Variants in PRKAG2 observed in about 807,000 individuals in gnomAD.
PRKAG2 encodes 5'-AMP-activated protein kinase subunit gamma-2.
A neutral mutation model predicts 69.6 loss-of-function variants in PRKAG2; 26 were observed. The observed-to-expected ratio is 0.37, with a 90% CI of 0.27 to 0.52. The LOEUF (loss-of-function observed/expected upper bound fraction) is 0.52. PRKAG2 is among the 20% of genes least tolerant of loss of function. PRKAG2 has a pLI of 0.90. For missense variants in PRKAG2, 557 were observed against 740.0 expected (o/e 0.75, Z 2.87); for synonymous variants, 293 against 285.0 (o/e 1.03, Z -0.28).
At chr7:151,691,735 G>C (rs2151530870) in intron 3 of PRKAG2, among the ~76,000 whole-genome samples, 1 of 152,330 alleles carries the variant, frequency 6.6e-6, no homozygotes, top group South Asian at 2.1e-4. Context: ...AACTAGTATA[G>C]CCATTTTGGA....
intron 3 of PRKAG2, among the ~76,000 whole-genome samples, chr7:151,714,491 C>CG (rs201400334): frequency 1.4e-5 from 2 of 138,512 alleles, no homozygotes; most frequent in African/African-American, 5.8e-5. Flanking sequence ...ATCCACGCAC[C>CG]ACGTCCTCCC....
At chr7:151,857,997 A>T (rs2079828119) in intron 1 of PRKAG2, among the ~76,000 whole-genome samples, 1 of 152,198 alleles carries the variant, frequency 6.6e-6, no homozygotes, top group African/African-American at 2.4e-5. Context: ...TTTGGGAATG[A>T]AGCGCTCCTT....
Position 151,756,729 on chromosome 7 carries a change from A to G in PRKAG2, c.466+24423T>C, listed in dbSNP as rs2075117901. On this transcript the variant is annotated intron_variant, in intron 3 of 15. Coordinates refer to ENST00000287878, the MANE Select transcript of PRKAG2 (RefSeq NM_016203.4). This position sits in a 1 kb window ranked among gnomAD's most constrained non-coding sequence, Gnocchi z 4.9. Reference sequence around the variant, plus strand: ...CTTCTCCCACCTGGGGTGGGAAAGGATTTTCCTTACTCATCGGTGGGTCGC... The same window carrying G: ...CTTCTCCCACCTGGGGTGGGAAAGGGTTTTCCTTACTCATCGGTGGGTCGC... Among the ~76,000 whole-genome samples, 2 of 151,754 alleles carry G rather than the reference A, an allele frequency of 1.3e-5. No individual in the cohort carries two copies. Among genetic ancestry groups the G allele is most frequent in the South Asian group, 4.2e-4 (2 of 4,800 alleles).
intron 3 of PRKAG2, among the ~76,000 whole-genome samples, chr7:151,770,839 G>A (rs2075988401): frequency 6.6e-6 from 1 of 152,180 alleles, no homozygotes; most frequent in Non-Finnish European, 1.5e-5. Context: ...GGAGAACCCA[G>A]TGAACAAACC....
intron 1 of PRKAG2, among the ~76,000 whole-genome samples, chr7:151,852,912 A>G (rs143825478): frequency 3.9e-5 from 6 of 152,306 alleles, no homozygotes; most frequent in South Asian, 4.1e-4. Context: ...CTGCTCTTTC[A>G]TATGTGACCC....
At chr7:151,735,479 A>G (rs1799626549) in intron 3 of PRKAG2, among the ~76,000 whole-genome samples, 1 of 152,090 alleles carries the variant, frequency 6.6e-6, no homozygotes, top group Non-Finnish European at 1.5e-5. Flanking sequence ...CTGTCAGATT[A>G]CTCCGCTACG....
intron 1 of PRKAG2, chr7:151,809,572 C>G (rs938083667): frequency 4.6e-6 from 1 of 218,284 alleles, no homozygotes; most frequent in African/African-American, 2.3e-5. Flanking sequence ...TCCCTGCCAG[C>G]TCACTTGACT....
intron 1 of PRKAG2, among the ~76,000 whole-genome samples, chr7:151,821,026 C>T (rs1487519208): frequency 6.6e-6 from 1 of 152,300 alleles, no homozygotes; most frequent in East Asian, 1.9e-4. Flanking sequence ...TCCAACCCCA[C>T]GGACCTCAGT....
Position 151,771,164 on chromosome 7 carries a change from T to C in PRKAG2, c.466+9988A>G, listed in dbSNP as rs191820478. On this transcript the variant is annotated intron_variant, in intron 3 of 15. Coordinates refer to ENST00000287878, the MANE Select transcript of PRKAG2 (RefSeq NM_016203.4). The surrounding 1 kb of genome is among the most constrained non-coding windows in gnomAD (Gnocchi z 4.0). ...GTAAGAACATAGAAAGTAATCTCAT[T>C]ACATGCATGATTTTTACCCTATCTT... Among the ~76,000 whole-genome samples, 2 of 152,352 alleles carry C rather than the reference T, an allele frequency of 1.3e-5. No individual in the cohort carries two copies. The highest frequency in any genetic ancestry group is 3.9e-4 in the East Asian group (2 of 5,190).
At chr7:151,624,137 CGTGTGTGTGTGTGTGT>C (rs58644630) in intron 5 of PRKAG2, among the ~76,000 whole-genome samples, 1 of 145,084 alleles carries the variant, frequency 6.9e-6, no homozygotes, top group Admixed American at 6.9e-5. Flanking sequence ...CAGAAGGCAG[CGTGTGTGTGTGTGTGT>C]GTGTGTGTGT....
At chr7:151,806,393 T>C (rs1321157194) in intron 1 of PRKAG2, 1 of 152,450 alleles carries the variant, frequency 6.6e-6, no homozygotes, top group Non-Finnish European at 1.5e-5. Context: ...AAAGTAACAA[T>C]GGAGGCTCTC....
chr7:151,615,668 A>G (rs1443416280), intron 5 of PRKAG2, among the ~76,000 whole-genome samples: 1 of 152,228 alleles, frequency 6.6e-6, no homozygotes, highest in Admixed American at 6.5e-5. Context: ...GGATGCATCC[A>G]ACAAAGGTCC....
intron 3 of PRKAG2, among the ~76,000 whole-genome samples, chr7:151,724,047 G>A (rs887474242): frequency 1.3e-5 from 2 of 152,102 alleles, no homozygotes; most frequent in African/African-American, 2.4e-5. Flanking sequence ...TAAACTCCAC[G>A]GTAAATCCTG....
In PRKAG2 at chr7:151,574,872, A is replaced by T; in HGVS notation, c.1005+19T>A. 1 of 1,613,622 alleles carries T rather than the reference A, an allele frequency of 6.2e-7. No individual in the cohort carries two copies. On this transcript the variant is annotated intron_variant, in intron 8 of 15. Coordinates refer to ENST00000287878, the MANE Select transcript of PRKAG2 (RefSeq NM_016203.4). ...TACGTACAGCTCCAACTACTGACAT[A>T]GGAACTGGTGCCACTTACCATAGGT...
At chr7:151,862,404 G>A (rs1265722570) in intron 1 of PRKAG2, among the ~76,000 whole-genome samples, 1 of 152,174 alleles carries the variant, frequency 6.6e-6, no homozygotes, top group Non-Finnish European at 1.5e-5. Flanking sequence ...GCTCCCACAA[G>A]ATTTGTAAAA....
At chr7:151,776,939 C>T (rs1033356586) in intron 3 of PRKAG2, among the ~76,000 whole-genome samples, 40 of 152,192 alleles carry the variant, frequency 2.6e-4, no homozygotes, top group African/African-American at 9.4e-4. Context: ...GAGCCCCAGC[C>T]TCATCCCCAG....
intron 5 of PRKAG2, among the ~76,000 whole-genome samples, chr7:151,622,069 T>C (rs1014581568): frequency 2.6e-5 from 4 of 152,252 alleles, no homozygotes; most frequent in Admixed American, 1.3e-4. Flanking sequence ...TTGATTTCAC[T>C]GATCTATGTC....
rs367564326 is a variant in PRKAG2, at chr7:151,868,680, G to A, written c.114+7827C>T. On this transcript the variant is annotated intron_variant, in intron 1 of 15. Transcript: ENST00000287878. ...GTCCCATTTTGGCCGAAGGGAGGGC[G>A]GAGGGAGGAGAACGGGTGAGCCACA... Among the ~76,000 whole-genome samples, 100 of 152,342 alleles carry A rather than the reference G, an allele frequency of 6.6e-4. 3 individuals are homozygous for A. The South Asian group carries it at 0.02, about 30-fold the overall frequency.
chr7:151,613,065 C>T (rs1819248611), intron 5 of PRKAG2, among the ~76,000 whole-genome samples: 1 of 152,162 alleles, frequency 6.6e-6, no homozygotes, highest in Non-Finnish European at 1.5e-5. Flanking sequence ...GTGAGAAAGA[C>T]AGGTGAGGCA....
Sources: gnomAD v4.1 joint callset for allele counts (sites outside exome capture counted in the v4.1 genomes callset) on GRCh38, gnomAD v4.1.1 for gene constraint, Gnocchi (gnomAD v3.1) non-coding constraint, MANE v1.5 for transcripts, NCBI Gene and HGNC (gene_info 2026-07-23, HGNC 2026-07-21) for gene names.